VAV2: variants seen among roughly 807,000 people sequenced by gnomAD.
The protein encoded by VAV2 is vav guanine nucleotide exchange factor 2.
A neutral mutation model predicts 132.5 loss-of-function variants in VAV2; 67 were observed. The observed-to-expected ratio is 0.51, with a 90% CI of 0.42 to 0.62. VAV2 has a LOEUF of 0.62. VAV2 is among the 20% of genes least tolerant of loss of function. The probability of loss-of-function intolerance (pLI) is 0.00; values close to 1 mark genes in which losing one functional copy is unlikely to be tolerated. For synonymous variants in VAV2, 492 were observed against 443.5 expected (o/e 1.11, Z -1.37); for missense variants, 938 against 1,153.6 (o/e 0.81, Z 2.71).
intron 19 of VAV2, among the ~76,000 whole-genome samples, chr9:133,780,996 C>G (rs376659423): frequency 6.6e-6 from 1 of 152,322 alleles, no homozygotes; most frequent in East Asian, 1.9e-4. Flanking sequence ...AAGGTTATCC[C>G]GCCTGGGCCA....
chr9:133,808,159 C>T (rs934982132), intron 7 of VAV2, among the ~76,000 whole-genome samples: 6 of 152,162 alleles, frequency 3.9e-5, no homozygotes, highest in African/African-American at 1.4e-4. Context: ...AGGCTGACCT[C>T]AGAGCCAGGA....
At chr9:133,949,586 T>C (rs622543) in intron 1 of VAV2, among the ~76,000 whole-genome samples, 62,162 of 152,060 alleles carry the variant, frequency 0.41, 12,777 homozygotes, top group Non-Finnish European at 0.42. Context: ...GCGGGTCACC[T>C]GCTCACCACA....
chr9:133,764,061 G>A lies in VAV2; in HGVS notation c.*1C>T, dbSNP rs145903019. On this transcript the variant is annotated 3_prime_UTR_variant, in exon 30 of 30. Transcript: ENST00000371850. ...TGCGAGTCTTGTCCACGTTCCTGCC[G>A]TCACTGGATGCCCTCCTCTTCTACG... is the stretch of plus-strand genomic sequence containing the variant. The A allele has an allele frequency of 2.6e-3, 4,272 of 1,613,984 alleles. 21 individuals are homozygous for A. Among genetic ancestry groups the A allele is most frequent in the Middle Eastern group, 0.01 (62 of 6,060 alleles).
At chr9:133,946,231 A>T (rs532646) in intron 1 of VAV2, among the ~76,000 whole-genome samples, 2 of 152,104 alleles carry the variant, frequency 1.3e-5, no homozygotes, top group East Asian at 3.9e-4. Context: ...GGCAGCTGCC[A>T]GGGACTGGGG....
intron 1 of VAV2, among the ~76,000 whole-genome samples, chr9:133,988,587 G>T (rs1463109783): frequency 2.0e-5 from 3 of 152,132 alleles, no homozygotes; most frequent in Admixed American, 2.0e-4. Context: ...AACCACCAAG[G>T]GTGGAGATGA....
chr9:133,798,996 T>G (rs1834828947), intron 9 of VAV2, among the ~76,000 whole-genome samples: 1 of 152,192 alleles, frequency 6.6e-6, no homozygotes, highest in African/African-American at 2.4e-5. Flanking sequence ...CCATTTCTCT[T>G]TCCATCATGA....
chr9:133,958,595 C>T (rs1460844093), intron 1 of VAV2, among the ~76,000 whole-genome samples: 2 of 150,286 alleles, frequency 1.3e-5, no homozygotes, highest in South Asian at 2.2e-4. Flanking sequence ...CAGAGGCTGG[C>T]GGGATCCTCC....
chr9:133,829,889 G>A lies in VAV2; in HGVS notation c.449+4383C>T, dbSNP rs148715660. 1.9e-3 allele frequency among the ~76,000 whole-genome samples: 283 copies of A among 152,102 alleles called. 1 individual carries two copies. Among genetic ancestry groups the A allele is most frequent in the African/African-American group, 6.7e-3 (277 of 41,520 alleles). ...CCACACTGCCCTGAAACTGTCCTTC[G>A]GCTTCCACACTCCCCATGGGGCCTG... On this transcript the variant is annotated intron_variant, in intron 4 of 29. Transcript: ENST00000371850.
At chr9:133,888,739 G>A (rs548824831) in intron 2 of VAV2, among the ~76,000 whole-genome samples, 2 of 152,314 alleles carry the variant, frequency 1.3e-5, no homozygotes, top group Non-Finnish European at 2.9e-5. Flanking sequence ...AGCCTGAGCC[G>A]ACTGATCTGT....
At chr9:133,827,297 GTGGGGGCATCGCCAGCTACTGCTGTGCC>G (rs1395220568) in intron 4 of VAV2, among the ~76,000 whole-genome samples, 48 of 13,960 alleles carry the variant, frequency 3.4e-3, no homozygotes, top group African/African-American at 0.022. Flanking sequence ...TGACCACTGA[GTGGGGGCATCGCCAGCTACTGCTGTGCC>G]CACTGGGGCT....
chr9:133,941,986 C>T (rs943368986), intron 1 of VAV2, among the ~76,000 whole-genome samples: 3 of 151,946 alleles, frequency 2.0e-5, no homozygotes, highest in Non-Finnish European at 2.9e-5. Flanking sequence ...AAGGGCTGAG[C>T]GATGGGGTGG....
intron 1 of VAV2, among the ~76,000 whole-genome samples, chr9:133,970,457 C>T (rs1842292091): frequency 6.6e-6 from 1 of 152,336 alleles, no homozygotes; most frequent in Middle Eastern, 3.4e-3. Context: ...CACCTGACCA[C>T]CCCCACAGCC....
At chr9:133,908,888 G>C (rs1033190570) in intron 2 of VAV2, among the ~76,000 whole-genome samples, 1 of 152,240 alleles carries the variant, frequency 6.6e-6, no homozygotes, top group Non-Finnish European at 1.5e-5. Flanking sequence ...ACAATCTGGT[G>C]AGGGCAAGGC....
chr9:133,858,054 C>T lies in VAV2; in HGVS notation c.380+3320G>A, dbSNP rs115446857. Among the ~76,000 whole-genome samples, 1,065 of 152,326 alleles carry T rather than the reference C, an allele frequency of 7.0e-3. 10 individuals carry two copies. The highest frequency in any genetic ancestry group is 0.024 in the African/African-American group (1,004 of 41,570). On this transcript the variant is annotated intron_variant, in intron 3 of 29. Transcript: ENST00000371850. ...GGGGTAACTGAGCAGGCTTGGGGTG[C>T]TCAACCCCTCCACATGCCGAAGACA...
intron 3 of VAV2, among the ~76,000 whole-genome samples, chr9:133,842,973 G>A (rs1836784715): frequency 6.6e-6 from 1 of 152,224 alleles, no homozygotes; most frequent in Non-Finnish European, 1.5e-5. Flanking sequence ...TAATTGGCAG[G>A]GAGGCCTTGA....
At chr9:133,908,473 C>G (rs1438283248) in intron 2 of VAV2, among the ~76,000 whole-genome samples, 1 of 152,048 alleles carries the variant, frequency 6.6e-6, no homozygotes, top group Admixed American at 6.5e-5. Context: ...CAGACCTTTC[C>G]CTGATGCCCC....
intron 2 of VAV2, among the ~76,000 whole-genome samples, chr9:133,865,749 C>T (rs10993833): frequency 0.013 from 1,975 of 152,332 alleles, 45 homozygotes; most frequent in African/African-American, 0.045. Context: ...GGTAAACATA[C>T]ATATATTCAC....
intron 1 of VAV2, among the ~76,000 whole-genome samples, chr9:133,959,839 G>T (rs990374907): frequency 6.6e-6 from 1 of 152,186 alleles, no homozygotes; most frequent in African/African-American, 2.4e-5. Context: ...GCCCAGAGCC[G>T]CAGGAGGTGG....
intron 2 of VAV2, among the ~76,000 whole-genome samples, chr9:133,862,638 C>T (rs181582484): frequency 5.3e-4 from 80 of 152,296 alleles, no homozygotes; most frequent in Non-Finnish European, 8.1e-4. Flanking sequence ...GGCCACGTGC[C>T]GAATTCATAG....
Sources: gnomAD v4.1 joint callset for allele counts (sites outside exome capture counted in the v4.1 genomes callset) on GRCh38, gnomAD v4.1.1 for gene constraint, MANE v1.5 for transcripts, NCBI Gene and HGNC (gene_info 2026-07-23, HGNC 2026-07-21) for gene names.